Variants in GPHN observed in about 807,000 individuals in gnomAD.
GPHN encodes the protein gephyrin.
GPHN carries 17 observed loss-of-function variants against 95.5 expected under a neutral mutation model. That is an observed-to-expected ratio of 0.18 (90% CI 0.12 to 0.27). The LOEUF (loss-of-function observed/expected upper bound fraction) is 0.27. Among genes scored for constraint, GPHN ranks in the 10% least tolerant of loss-of-function variants. The pLI is 1.00. For synonymous variants in GPHN, 320 were observed against 322.5 expected, an observed-to-expected ratio of 0.99 and a Z score of 0.08; for missense variants, 660 against 978.1, an observed-to-expected ratio of 0.67 and a Z score of 4.34.
chr14:67,577,126 C>T, the GPHN span, among the ~76,000 whole-genome samples: 1 of 152,196 alleles, frequency 6.6e-6, no homozygotes, highest in African/African-American at 2.4e-5. Flanking sequence ...TGAGGGTGCT[C>T]ATTGCAGTGC....
the GPHN span, chr14:67,279,794 A>G: frequency 2.7e-6 from 1 of 372,856 alleles, no homozygotes; most frequent in Non-Finnish European, 4.8e-6. Flanking sequence ...CATGGGCCCT[A>G]ACATTTAAAG....
At chr14:67,342,165 C>A in the GPHN span, among the ~76,000 whole-genome samples, 1 of 144,600 alleles carries the variant, frequency 6.9e-6, no homozygotes, top group Admixed American at 7.0e-5. Context: ...GTGAGAAACA[C>A]CCAAGAATGA....
chr14:67,681,901 G>A, the GPHN span, among the ~76,000 whole-genome samples: 2 of 152,146 alleles, frequency 1.3e-5, no homozygotes, highest in African/African-American at 4.8e-5. Context: ...TCACATGTTG[G>A]AAACTTAGTC....
chr14:66,536,525 A>G (rs913952324), intron 1 of GPHN, among the ~76,000 whole-genome samples: 23 of 112,068 alleles, frequency 2.1e-4, no homozygotes, highest in African/African-American at 1.2e-3. Context: ...GTCCTTTATT[A>G]TAATATTTTT....
the GPHN span, among the ~76,000 whole-genome samples, chr14:67,667,898 C>G: frequency 6.6e-6 from 1 of 151,998 alleles, no homozygotes; most frequent in South Asian, 2.1e-4. Context: ...GAGCCGAGAT[C>G]GCGCCACTGC....
At chr14:66,757,271 C>A (rs761296862) in intron 2 of GPHN, among the ~76,000 whole-genome samples, 1 of 151,870 alleles carries the variant, frequency 6.6e-6, no homozygotes, top group Non-Finnish European at 1.5e-5. Flanking sequence ...TATATGTAAA[C>A]CTTAATTGCT....
chr14:67,312,885 G>A, the GPHN span, among the ~76,000 whole-genome samples: 4 of 152,176 alleles, frequency 2.6e-5, no homozygotes, highest in Middle Eastern at 3.4e-3. Flanking sequence ...AATAGAATGT[G>A]GCCAATTCTT....
the GPHN span, chr14:67,334,256 G>A: frequency 1.3e-5 from 2 of 152,610 alleles, no homozygotes; most frequent in Non-Finnish European, 2.9e-5. Flanking sequence ...TAAGCTAATA[G>A]GATTTTCGTA....
chr14:67,663,380 T>G, the GPHN span, among the ~76,000 whole-genome samples: 1 of 152,056 alleles, frequency 6.6e-6, no homozygotes, highest in Non-Finnish European at 1.5e-5. Flanking sequence ...ATAAAGAAAA[T>G]GTAAGTGACA....
the GPHN span, among the ~76,000 whole-genome samples, chr14:67,496,394 T>TTTTTTTG: frequency 1.4e-5 from 1 of 71,168 alleles, no homozygotes; most frequent in Non-Finnish European, 3.0e-5. Flanking sequence ...CTCCGGCGTT[T>TTTTTTTG]TTTTTTTTTT....
At chr14:67,561,995 C>A in the GPHN span, 9 of 1,613,776 alleles carry the variant, frequency 5.6e-6, no homozygotes, top group Non-Finnish European at 7.6e-6. Flanking sequence ...ATAATCAGCG[C>A]CTGGTGGAGC....
At chr14:67,591,908 CTAAA>C in the GPHN span, 8 of 151,010 alleles carry the variant, frequency 5.3e-5, no homozygotes, top group Admixed American at 4.6e-4. Flanking sequence ...GCAAGAGTGG[CTAAA>C]TAAACTGATA....
intron 18 of GPHN, among the ~76,000 whole-genome samples, chr14:67,153,658 A>G (rs957000199): frequency 2.0e-5 from 3 of 152,350 alleles, no homozygotes; most frequent in African/African-American, 4.8e-5. Context: ...GCTGAAAAAT[A>G]CAAATAACCA....
chr14:67,693,514 C>G, the GPHN span, among the ~76,000 whole-genome samples: 1 of 143,264 alleles, frequency 7.0e-6, no homozygotes, highest in African/African-American at 2.6e-5. Flanking sequence ...ACAAAATAAA[C>G]AAGAAAAAAA....
the GPHN span, among the ~76,000 whole-genome samples, chr14:67,409,565 T>G: frequency 1.3e-5 from 2 of 152,186 alleles, no homozygotes; most frequent in Middle Eastern, 3.4e-3. Context: ...GGAAAAGCAC[T>G]CCTGCTCACG....
chr14:66,818,505 A>G (rs1417937267), intron 3 of GPHN, among the ~76,000 whole-genome samples: 1 of 152,228 alleles, frequency 6.6e-6, no homozygotes, highest in African/African-American at 2.4e-5. Context: ...TCTGTCATTG[A>G]TGGGCATTTG....
At chr14:67,397,156 G>C in the GPHN span, among the ~76,000 whole-genome samples, 45,777 of 151,918 alleles carry the variant, frequency 0.3, 10,963 homozygotes, top group African/African-American at 0.63. Flanking sequence ...CCAGGCTGGT[G>C]TCAAACTCCT....
the GPHN span, chr14:67,569,861 C>G: frequency 9.2e-7 from 1 of 1,089,038 alleles, no homozygotes; most frequent in Non-Finnish European, 1.4e-6. Flanking sequence ...TCTCTGCTTC[C>G]CCCACACCCC....
At chr14:66,525,437 T>C (rs1333090535) in intron 1 of GPHN, among the ~76,000 whole-genome samples, 1 of 152,228 alleles carries the variant, frequency 6.6e-6, no homozygotes, top group Admixed American at 6.5e-5. Flanking sequence ...TCCCATTCTG[T>C]AGGTTGCCTG....
Sources: gnomAD v4.1 joint callset for allele counts (sites outside exome capture counted in the v4.1 genomes callset) on GRCh38, gnomAD v4.1.1 for gene constraint, MANE v1.5 for transcripts, NCBI Gene and HGNC (gene_info 2026-07-23, HGNC 2026-07-21) for gene names.